Variants in SMARCA4 observed in about 807,000 individuals in gnomAD.
SMARCA4 encodes SWI/SNF-related matrix-associated actin-dependent regulator of chromatin subfamily A member 4.
In SMARCA4, 31 loss-of-function variants were observed where a neutral mutation model predicts 193.9. That is an observed-to-expected ratio of 0.16 (90% CI 0.12 to 0.22). SMARCA4 has a LOEUF of 0.22. Among genes scored for constraint, SMARCA4 ranks in the 10% least tolerant of loss-of-function variants. The pLI is 1.00. For synonymous variants in SMARCA4, 942 were observed against 933.1 expected, an observed-to-expected ratio of 1.01 and a Z score of -0.17; for missense variants, 1,148 against 2,296.0, an observed-to-expected ratio of 0.50 and a Z score of 10.22.
At position 11,041,214 on chromosome 19, in the gene SMARCA4, C is replaced by T. The variant is rs2146807536; in HGVS notation, c.4171-93C>T. ...GGAGAGCGGGTGCGGGGGCCCTCCT[C>T]CGTGTCCCAGCCCGGCCCCTGGGAT... On this transcript the variant is annotated intron_variant, in intron 29 of 34. Transcript: ENST00000344626. The surrounding 1 kb of genome is among the most constrained non-coding windows in gnomAD (Gnocchi z 5.6). The T allele has an allele frequency of 1.4e-6, 2 of 1,403,012 alleles. No homozygotes were observed. Among genetic ancestry groups the T allele is most frequent in the South Asian group, 2.6e-5 (2 of 76,154 alleles). 86.9% of individuals were successfully genotyped at this position (1,403,012 alleles called of 1,614,324 possible). A position where few individuals can be genotyped will look rare whatever the true frequency, so the allele number is the denominator to read the frequency against.
At chr19:10,994,318 GTTTT>G (rs1006312137) in intron 8 of SMARCA4, among the ~76,000 whole-genome samples, 4 of 98,906 alleles carry the variant, frequency 4.0e-5, no homozygotes, top group East Asian at 2.5e-4. Flanking sequence ...GATATTCTAG[GTTTT>G]TTTTTTTTTT....
chr19:10,976,176 G>A (rs907396456), intron 1 of SMARCA4, among the ~76,000 whole-genome samples: 1 of 152,194 alleles, frequency 6.6e-6, no homozygotes, highest in Admixed American at 6.5e-5. Context: ...TTCGTTTCCT[G>A]TATAGAAGGG....
At chr19:10,970,421 G>C (rs1438598959) in intron 1 of SMARCA4, among the ~76,000 whole-genome samples, 2 of 152,270 alleles carry the variant, frequency 1.3e-5, no homozygotes, top group South Asian at 2.1e-4. Context: ...AGTCTTATGG[G>C]ACAGCTCTTT....
chr19:10,987,722 C>G lies in SMARCA4; in HGVS notation c.916C>G (p.Gln306Glu). Residue 306 changes from glutamine (Q) to glutamate (E), a missense_variant, in exon 6 of 35, where the codon CAG becomes GAG. Coordinates refer to ENST00000344626, the MANE Select transcript of SMARCA4 (RefSeq NM_003072.5). This position sits in a 1 kb window ranked among gnomAD's most constrained non-coding sequence, Gnocchi z 5.3. ...CACCCCTCAGAAGCTGATTCCCCCGCAGCCAACGGGCCGCCCTTCCCCCGC... is the reference window on the plus strand; with the variant it reads ...CACCCCTCAGAAGCTGATTCCCCCGGAGCCAACGGGCCGCCCTTCCCCCGC... The part of the protein sequence containing the change: ...TSTPQKLIPP[Q>E]PTGRPSPAPP... The G allele has an allele frequency of 6.2e-7, 1 of 1,610,312 alleles. No homozygotes were observed. The highest frequency in any genetic ancestry group is 1.1e-5 in the South Asian group (1 of 90,890).
intron 16 of SMARCA4, chr19:11,015,875 G>A (rs1450875693): frequency 2.6e-5 from 4 of 152,176 alleles, no homozygotes; most frequent in African/African-American, 9.7e-5. Flanking sequence ...GCCAGGCATG[G>A]TGGCGCATGC....
At chr19:10,999,989 G>A (rs1400531021) in intron 11 of SMARCA4, among the ~76,000 whole-genome samples, 1 of 152,266 alleles carries the variant, frequency 6.6e-6, no homozygotes, top group East Asian at 1.9e-4. Context: ...ACTTTGGGAG[G>A]CCAAGGTGGG....
At chr19:11,017,663 G>A (rs376049127) in intron 16 of SMARCA4, among the ~76,000 whole-genome samples, 36 of 152,204 alleles carry the variant, frequency 2.4e-4, no homozygotes, top group African/African-American at 6.3e-4. Context: ...CAGATGCTCC[G>A]CACACCTCCG....
rs1179008091 is a variant in SMARCA4, at chr19:11,034,066, C to T, written c.3874-57C>T. 6.5e-6 allele frequency: 9 copies of T among 1,391,554 alleles called. No individual in the cohort carries two copies. In the East Asian group the frequency reaches 9.1e-5, roughly 14 times the overall value. 86.2% of individuals were successfully genotyped at this position (1,391,554 alleles called of 1,614,324 possible). On this transcript the variant is annotated intron_variant, in intron 27 of 34. Coordinates refer to ENST00000344626, the MANE Select transcript of SMARCA4 (RefSeq NM_003072.5). The surrounding 1 kb of genome is among the most constrained non-coding windows in gnomAD (Gnocchi z 7.0). ...GGACGCCGCCGCTCGCCTCTGAGCTCGGCCGCCGCCCACCCCGGCCCCTCC... is the reference window on the plus strand; with the variant it reads ...GGACGCCGCCGCTCGCCTCTGAGCTTGGCCGCCGCCCACCCCGGCCCCTCC...
chr19:11,029,662 A>G (rs1010068835), intron 24 of SMARCA4, among the ~76,000 whole-genome samples: 1 of 150,892 alleles, frequency 6.6e-6, no homozygotes, highest in Admixed American at 6.6e-5. Context: ...GTGGCAGGAA[A>G]TGGCCAGTTT....
At chr19:11,039,810 C>A (rs936150621) in intron 29 of SMARCA4, 1 of 261,940 alleles carries the variant, frequency 3.8e-6, no homozygotes, top group Non-Finnish European at 7.1e-6. Flanking sequence ...CGGCTGGGCG[C>A]GGTGGCTCAC....
chr19:10,965,970 G>GTTTTTTT (rs372236923), intron 1 of SMARCA4, among the ~76,000 whole-genome samples: 1 of 78,982 alleles, frequency 1.3e-5, no homozygotes. Context: ...TAGTGGCATG[G>GTTTTTTT]TTTTTTTTTT....
At chr19:10,999,661 C>T (rs993891925) in intron 11 of SMARCA4, among the ~76,000 whole-genome samples, 2 of 151,790 alleles carry the variant, frequency 1.3e-5, no homozygotes, top group Non-Finnish European at 1.5e-5. Flanking sequence ...CTATCTCACA[C>T]GCAAAAAGAA....
intron 14 of SMARCA4, among the ~76,000 whole-genome samples, chr19:11,009,706 T>TGAGACA (rs1489041445): frequency 5.4e-5 from 8 of 149,104 alleles, no homozygotes; most frequent in Admixed American, 4.7e-4. Context: ...TTTTTTTTTT[T>TGAGACA]GAGACAGAGT....
chr19:11,046,948 C>CA lies in SMARCA4; in HGVS notation c.4424+5407dup, dbSNP rs35450843. On this transcript the variant is annotated intron_variant, in intron 30 of 34. Coordinates refer to ENST00000344626, the MANE Select transcript of SMARCA4 (RefSeq NM_003072.5). ...GGGTGACAGAGGTGAGACCCTGTTG[C>CA]AAAAAAAAAAAAAAAAAAAGCAAAA... Among the ~76,000 whole-genome samples the CA allele has an allele frequency of 7.7e-3, 702 of 91,586 alleles. 13 individuals are homozygous for CA. The highest frequency in any genetic ancestry group is 0.012 in the African/African-American group (289 of 23,994). The allele number at this position is 91,586 out of a possible 152,430, so 60.1% of individuals were successfully genotyped here. A position where few individuals can be genotyped will look rare whatever the true frequency, so the allele number is the denominator to read the frequency against.
chr19:11,024,288 C>T (rs2146469084), intron 20 of SMARCA4, 43 bp from the exon 21 acceptor site: 1 of 1,438,940 alleles, frequency 6.9e-7, no homozygotes, highest in Non-Finnish European at 9.8e-7. Flanking sequence ...AGTCAGGCCT[C>T]AAGCCACCTT....
chr19:11,024,279 G>T lies in SMARCA4; in HGVS notation c.2974-52G>T. 3.1e-6 allele frequency: 4 copies of T among 1,308,242 alleles called. No individual in the cohort carries two copies. The South Asian group carries it at 3.5e-5, about 12-fold the overall frequency. 81.0% of individuals were successfully genotyped at this position (1,308,242 alleles called of 1,614,324 possible). A position where few individuals can be genotyped will look rare whatever the true frequency, so the allele number is the denominator to read the frequency against. ...TCAGAGCTGGGTTCGGATGGGGGGA[G>T]TCAGGCCTCAAGCCACCTTGGGCCC... is the stretch of plus-strand genomic sequence containing the variant. On this transcript the variant is annotated intron_variant, in intron 20 of 34. Coordinates refer to ENST00000344626, the MANE Select transcript of SMARCA4 (RefSeq NM_003072.5).
chr19:11,061,607 ACCT>A, intron 34 of SMARCA4, 174 bp from the exon 35 acceptor site: 1 of 681,790 alleles, frequency 1.5e-6, no homozygotes, highest in South Asian at 1.5e-5. Flanking sequence ...CGATCTCCTG[ACCT>A]CGTGATCCGC....
At chr19:10,968,572 T>C (rs1599809230) in intron 1 of SMARCA4, among the ~76,000 whole-genome samples, 2 of 152,088 alleles carry the variant, frequency 1.3e-5, no homozygotes, top group Admixed American at 6.6e-5. Flanking sequence ...GGTCTTTAAC[T>C]CCTGGACTCA....
At chr19:11,035,193 A>C (rs2075195728) in intron 29 of SMARCA4, 61 bp downstream of exon 29, 2 of 1,483,120 alleles carry the variant, frequency 1.3e-6, no homozygotes, top group Middle Eastern at 2.2e-4. Flanking sequence ...CTGGGGAGAC[A>C]AAGGGCCCAC....
Sources: gnomAD v4.1 joint callset for allele counts (sites outside exome capture counted in the v4.1 genomes callset) on GRCh38, gnomAD v4.1.1 for gene constraint, Gnocchi (gnomAD v3.1) non-coding constraint, MANE v1.5 for transcripts, NCBI Gene and HGNC (gene_info 2026-07-23, HGNC 2026-07-21) for gene names.